KCNIP4: variants seen among roughly 807,000 people sequenced by gnomAD.
The protein encoded by KCNIP4 is potassium voltage-gated channel interacting protein 4.
In KCNIP4, 12 loss-of-function variants were observed where a neutral mutation model predicts 34.0. The ratio of observed to expected loss-of-function variants is 0.35; its 90% CI spans 0.23 to 0.57. The LOEUF (loss-of-function observed/expected upper bound fraction) is 0.57, where lower values mean the gene tolerates loss of function less well. Among genes scored for constraint, KCNIP4 ranks in the 20% least tolerant of loss-of-function variants. KCNIP4 has a pLI of 0.83. For synonymous variants in KCNIP4, 124 were observed against 102.2 expected, an observed-to-expected ratio of 1.21 and a Z score of -1.29; for missense variants, 238 against 311.7, an observed-to-expected ratio of 0.76 and a Z score of 1.78.
In KCNIP4 at chr4:21,519,454, ACACATATGTGTGTATGTGTATGTGTAT is replaced by A. The variant is rs1735132299; in HGVS notation, c.61+429090_61+429116del. Among the ~76,000 whole-genome samples, 2 of 99,008 alleles carry A rather than the reference ACACATATGTGTGTATGTGTATGTGTAT, an allele frequency of 2.0e-5. 1 individual carries two copies. The highest frequency in any genetic ancestry group is 5.5e-4 in the East Asian group (2 of 3,620). The allele number at this position is 99,008 out of a possible 152,430, so 65.0% of individuals were successfully genotyped here. A position where few individuals can be genotyped will look rare whatever the true frequency, so the allele number is the denominator to read the frequency against. On this transcript the variant is annotated intron_variant, in intron 1 of 8. Transcript: ENST00000382152. Reference sequence around the variant, plus strand: ...TATGTGTGTATATGTATGTGTATATACACATATGTGTGTATGTGTATGTGTATATACACATATGTGTGTATGTGTATG... The same window carrying A: ...TATGTGTGTATATGTATGTGTATATAATACACATATGTGTGTATGTGTATG...
chr4:21,237,327 T>A (rs909687886), intron 1 of KCNIP4, among the ~76,000 whole-genome samples: 1 of 152,082 alleles, frequency 6.6e-6, no homozygotes, highest in Non-Finnish European at 1.5e-5. Flanking sequence ...CAAACACATA[T>A]ATAAACGAGT....
chr4:21,045,964 G>T (rs571003433), intron 1 of KCNIP4, among the ~76,000 whole-genome samples: 1 of 152,246 alleles, frequency 6.6e-6, no homozygotes, highest in South Asian at 2.1e-4. Flanking sequence ...TTGCAACTGT[G>T]AAATGGTAGG....
intron 1 of KCNIP4, among the ~76,000 whole-genome samples, chr4:21,353,507 G>C (rs562859580): frequency 6.6e-6 from 1 of 152,240 alleles, no homozygotes; most frequent in South Asian, 2.1e-4. Context: ...GCATACACAA[G>C]CTTCAATAGC....
At chr4:21,426,088 G>C (rs1389748132) in intron 1 of KCNIP4, among the ~76,000 whole-genome samples, 1 of 151,954 alleles carries the variant, frequency 6.6e-6, no homozygotes, top group African/African-American at 2.4e-5. Flanking sequence ...GTAATATGTG[G>C]AAACATTATT....
chr4:21,460,860 T>C (rs1425695729), intron 1 of KCNIP4, among the ~76,000 whole-genome samples: 1 of 152,110 alleles, frequency 6.6e-6, no homozygotes, highest in Admixed American at 6.6e-5. Flanking sequence ...TCAGGGAATC[T>C]TTTGGGATGT....
intron 1 of KCNIP4, among the ~76,000 whole-genome samples, chr4:21,320,791 C>A (rs7678066): frequency 1.3e-5 from 2 of 151,728 alleles, no homozygotes; most frequent in Non-Finnish European, 2.9e-5. Context: ...GCCAACATGG[C>A]GAAGCCCCAT....
chr4:20,871,368 T>C (rs1723438351), intron 2 of KCNIP4, among the ~76,000 whole-genome samples: 1 of 151,984 alleles, frequency 6.6e-6, no homozygotes, highest in Non-Finnish European at 1.5e-5. Flanking sequence ...ATAAGTAATA[T>C]TAAGACCATC....
chr4:21,422,627 G>T (rs932765872), intron 1 of KCNIP4, among the ~76,000 whole-genome samples: 1 of 151,484 alleles, frequency 6.6e-6, no homozygotes, highest in Non-Finnish European at 1.5e-5. Flanking sequence ...CAACATTGAA[G>T]TAGTTGGGGG....
chr4:21,183,460 G>GTTGTAT (rs1754991497), intron 1 of KCNIP4, among the ~76,000 whole-genome samples: 1 of 136,834 alleles, frequency 7.3e-6, no homozygotes, highest in Non-Finnish European at 1.5e-5. Context: ...TAATGGCTGT[G>GTTGTAT]TTGTTTTTGT....
At chr4:21,456,219 T>C (rs912773290) in intron 1 of KCNIP4, among the ~76,000 whole-genome samples, 17 of 147,392 alleles carry the variant, frequency 1.2e-4, no homozygotes, top group Admixed American at 1.1e-3. Flanking sequence ...CCCAAATCCA[T>C]ACAGCAAAAA....
At chr4:21,895,603 G>T (rs1377557082) in intron 1 of KCNIP4, among the ~76,000 whole-genome samples, 1 of 152,154 alleles carries the variant, frequency 6.6e-6, no homozygotes, top group Non-Finnish European at 1.5e-5. Context: ...GGACCTAGCA[G>T]AACATAAATG....
At chr4:21,634,198 T>C (rs1304959059) in intron 1 of KCNIP4, among the ~76,000 whole-genome samples, 1 of 140,438 alleles carries the variant, frequency 7.1e-6, no homozygotes. Flanking sequence ...TTTAAAATTC[T>C]TAGGAAAGCT....
rs567505136 is a variant in KCNIP4 at position 20,974,883 on chromosome 4, T to C, written c.62-92174A>G. Among the ~76,000 whole-genome samples the C allele has an allele frequency of 2.0e-5, 3 of 152,318 alleles. No homozygotes were observed. In the South Asian group the frequency reaches 6.2e-4, roughly 32 times the overall value. ...ATTGAATACATGATTATGCTAATAA[T>C]AGGTATGATGACTATGCAAAGCAAA... is the stretch of plus-strand genomic sequence containing the variant. On this transcript the variant is annotated intron_variant, in intron 1 of 8. Coordinates refer to ENST00000382152, the MANE Select transcript of KCNIP4 (RefSeq NM_025221.6).
intron 1 of KCNIP4, among the ~76,000 whole-genome samples, chr4:21,700,506 G>A (rs1429094307): frequency 6.6e-6 from 1 of 151,738 alleles, no homozygotes; most frequent in African/African-American, 2.4e-5. Flanking sequence ...CAGATGTATG[G>A]TTTGCAAATA....
intron 3 of KCNIP4, among the ~76,000 whole-genome samples, chr4:20,799,861 A>G (rs2149415625): frequency 6.6e-6 from 1 of 152,274 alleles, no homozygotes; most frequent in Non-Finnish European, 1.5e-5. Flanking sequence ...CCAGAGCTGC[A>G]CCAGTGCTGT....
intron 1 of KCNIP4, among the ~76,000 whole-genome samples, chr4:21,234,797 G>A (rs1219386995): frequency 4.0e-5 from 6 of 151,392 alleles, no homozygotes; most frequent in Non-Finnish European, 8.8e-5. Flanking sequence ...ACAGGTGCCC[G>A]CTACCATGCC....
At chr4:21,637,651 C>T (rs376113516) in intron 1 of KCNIP4, among the ~76,000 whole-genome samples, 25 of 151,824 alleles carry the variant, frequency 1.6e-4, no homozygotes, top group East Asian at 3.9e-4. Context: ...GGCATGGTGG[C>T]GCACACCTGT....
At chr4:21,170,795 G>A (rs547506326) in intron 1 of KCNIP4, among the ~76,000 whole-genome samples, 3 of 152,226 alleles carry the variant, frequency 2.0e-5, no homozygotes, top group African/African-American at 7.2e-5. Context: ...TAAGTCAGCT[G>A]AATTACATTT....
intron 1 of KCNIP4, among the ~76,000 whole-genome samples, chr4:21,178,188 G>C (rs890181005): frequency 4.6e-5 from 7 of 152,096 alleles, no homozygotes; most frequent in Non-Finnish European, 1.0e-4. Flanking sequence ...TAATGAAAGT[G>C]GTTAGTCTGG....
Sources: gnomAD v4.1 joint callset for allele counts (sites outside exome capture counted in the v4.1 genomes callset) on GRCh38, gnomAD v4.1.1 for gene constraint, MANE v1.5 for transcripts, NCBI Gene and HGNC (gene_info 2026-07-23, HGNC 2026-07-21) for gene names.